The following GOLPH3L variants were observed in gnomAD, a reference collection of about 807,000 sequenced individuals.
GOLPH3L encodes the protein Golgi phosphoprotein 3-like.
GOLPH3L carries 22 observed loss-of-function variants against 30.3 expected under a neutral mutation model. The ratio of observed to expected loss-of-function variants is 0.73; its 90% CI spans 0.52 to 1.04. The LOEUF (loss-of-function observed/expected upper bound fraction) is 1.04, where lower values mean the gene tolerates loss of function less well. Among genes scored for constraint, GOLPH3L ranks in the 50% least tolerant of loss-of-function variants. GOLPH3L has a pLI of 0.00. For synonymous variants in GOLPH3L, 120 were observed against 128.2 expected (o/e 0.94, Z 0.43); for missense variants, 303 against 345.8 (o/e 0.88, Z 0.98).
intron 2 of GOLPH3L, among the ~76,000 whole-genome samples, chr1:150,683,086 T>G (rs1650994702): frequency 6.6e-6 from 1 of 152,170 alleles, no homozygotes; most frequent in Admixed American, 6.5e-5. Flanking sequence ...TTTTCCTTAC[T>G]TTTCTCAGTG....
chr1:150,648,156 G>GTCA lies in GOLPH3L; in HGVS notation c.*162_*164dup. On this transcript the variant is annotated 3_prime_UTR_variant, in exon 5 of 5. Transcript: ENST00000271732. ...GGAGAAATAAGGTCTGCTTATAATG[G>GTCA]TCAAGGTCTATGGAGAAGCCCTGAA... 1 of 581,520 alleles carries GTCA rather than the reference G, an allele frequency of 1.7e-6. No homozygotes were observed. The highest frequency in any genetic ancestry group is 3.0e-6 in the Non-Finnish European group (1 of 328,382). The allele number at this position is 581,520 out of a possible 1,614,324, so 36.0% of individuals were successfully genotyped here.
chr1:150,679,553 C>G (rs966872889), intron 2 of GOLPH3L, among the ~76,000 whole-genome samples: 2 of 152,136 alleles, frequency 1.3e-5, no homozygotes, highest in African/African-American at 4.8e-5. Context: ...AATCCTAGCA[C>G]TTTGGGAGAC....
chr1:150,674,378 G>A (rs1469849378), intron 2 of GOLPH3L, among the ~76,000 whole-genome samples: 2 of 151,120 alleles, frequency 1.3e-5, no homozygotes, highest in South Asian at 2.1e-4. Context: ...CTCCTGCCTC[G>A]GCCTCCCGAG....
chr1:150,686,384 T>C (rs1386414304), intron 2 of GOLPH3L, among the ~76,000 whole-genome samples: 1 of 152,108 alleles, frequency 6.6e-6, no homozygotes, highest in South Asian at 2.1e-4. Context: ...TTTCATTTTT[T>C]TGTAGAGATT....
At chr1:150,689,311 T>C (rs6587518) in intron 2 of GOLPH3L, among the ~76,000 whole-genome samples, 58,842 of 151,992 alleles carry the variant, frequency 0.39, 11,677 homozygotes, top group South Asian at 0.55. Flanking sequence ...GTAATTGGCT[T>C]ACTCCCCTTA....
intron 4 of GOLPH3L, among the ~76,000 whole-genome samples, chr1:150,659,147 T>A (rs587733804): frequency 2.4e-4 from 37 of 152,370 alleles, no homozygotes; most frequent in African/African-American, 8.7e-4. Flanking sequence ...CAGGTGTGGA[T>A]CCTGACTTCT....
intron 4 of GOLPH3L, among the ~76,000 whole-genome samples, chr1:150,650,587 G>A (rs932402466): frequency 2.6e-5 from 4 of 152,172 alleles, no homozygotes; most frequent in Non-Finnish European, 5.9e-5. Flanking sequence ...GTTCCCACAG[G>A]AGTGTGAACC....
intron 2 of GOLPH3L, among the ~76,000 whole-genome samples, chr1:150,669,431 C>T (rs1370713560): frequency 6.6e-6 from 1 of 152,178 alleles, no homozygotes; most frequent in Admixed American, 6.6e-5. Context: ...AGTGAATTCT[C>T]CAGCCATTCA....
intron 1 of GOLPH3L, among the ~76,000 whole-genome samples, chr1:150,696,069 T>C (rs978328181): frequency 7.9e-5 from 12 of 152,190 alleles, no homozygotes; most frequent in African/African-American, 2.9e-4. Context: ...TCAGCAATTA[T>C]ATAAAGGAGT....
chr1:150,649,334 G>C (rs1474113033), intron 4 of GOLPH3L, among the ~76,000 whole-genome samples: 2 of 152,208 alleles, frequency 1.3e-5, no homozygotes, highest in African/African-American at 4.8e-5. Flanking sequence ...GGGCCCTTGT[G>C]CAGAAGTTCT....
chr1:150,648,697 T>G lies in GOLPH3L; in HGVS notation c.482A>C (p.Glu161Ala). ...KLQYQLRNVR[E>A]RIAKNLVEKG... ...CTCTACTAGGTTCTTTGCGATGCGC[T>G]CTCGTACATTTCTCAGCTGGTACTG... The change falls in exon 5 of 5, where the codon GAG becomes GCG. Residue 161 changes from glutamate to alanine, a missense_variant. Glu to Ala is a moderately radical substitution (Grantham distance 107). Transcript: ENST00000271732. 1 of 1,612,902 alleles carries G rather than the reference T, an allele frequency of 6.2e-7. No individual in the cohort carries two copies. Among genetic ancestry groups the G allele is most frequent in the East Asian group, 2.2e-5 (1 of 44,876 alleles).
Position 150,648,105 on chromosome 1 carries a change from T to A in GOLPH3L, c.*216A>T. The A allele has an allele frequency of 2.2e-6, 1 of 460,350 alleles. No homozygotes were observed. The highest frequency in any genetic ancestry group is 3.2e-5 in the East Asian group (1 of 31,386). The allele number at this position is 460,350 out of a possible 1,614,324, so 28.5% of individuals were successfully genotyped here. A position where few individuals can be genotyped will look rare whatever the true frequency, so the allele number is the denominator to read the frequency against. On this transcript the variant is annotated 3_prime_UTR_variant, in exon 5 of 5. Transcript: ENST00000271732. ...TGGGTGTGTGTGGCTTCACCCAGTT[T>A]ATTTACCTATGGAGTGGAAGTGTAG...
chr1:150,695,323 G>A (rs1651324252), intron 1 of GOLPH3L, among the ~76,000 whole-genome samples: 2 of 152,126 alleles, frequency 1.3e-5, no homozygotes, highest in African/African-American at 2.4e-5. Flanking sequence ...TTTTAGTAGA[G>A]ATGGGGTTTC....
intron 2 of GOLPH3L, among the ~76,000 whole-genome samples, chr1:150,693,755 T>A (rs1430020704): frequency 6.8e-6 from 1 of 147,710 alleles, no homozygotes; most frequent in Non-Finnish European, 1.5e-5. Flanking sequence ...AAATTATTTT[T>A]AAAAATTTTC....
intron 4 of GOLPH3L, among the ~76,000 whole-genome samples, chr1:150,661,292 T>A (rs1446512959): frequency 6.6e-6 from 1 of 152,178 alleles, no homozygotes; most frequent in African/African-American, 2.4e-5. Flanking sequence ...TACTCGTTGA[T>A]TTACATATGA....
rs188963416 is a variant in GOLPH3L, at chr1:150,685,750, A to G, written c.183+8906T>C. Among the ~76,000 whole-genome samples the G allele has an allele frequency of 5.9e-3, 901 of 152,166 alleles. 3 individuals are homozygous for G. The highest frequency in any genetic ancestry group is 9.5e-3 in the Non-Finnish European group (644 of 67,974). On this transcript the variant is annotated intron_variant, in intron 2 of 4. Coordinates refer to ENST00000271732, the MANE Select transcript of GOLPH3L (RefSeq NM_018178.6). ...AATAAAAATATAAAAAATAAAATCC[A>G]TAAGAATCTATTCAAGGAGGTGAAA...
chr1:150,677,034 C>T (rs189271927), intron 2 of GOLPH3L, among the ~76,000 whole-genome samples: 184 of 151,828 alleles, frequency 1.2e-3, no homozygotes, highest in Non-Finnish European at 1.9e-3. Context: ...CAGGTGTGAG[C>T]CACCGTGCCA....
intron 3 of GOLPH3L, 146 bp downstream of exon 3, chr1:150,663,486 T>C (rs1428804172): frequency 4.6e-6 from 3 of 658,898 alleles, no homozygotes; most frequent in Non-Finnish European, 7.5e-6. Flanking sequence ...CCTCTTGCAA[T>C]AGGGTAATTA....
chr1:150,668,109 C>G (rs1407530084), intron 2 of GOLPH3L, among the ~76,000 whole-genome samples: 1 of 152,180 alleles, frequency 6.6e-6, no homozygotes, highest in Non-Finnish European at 1.5e-5. Context: ...ATACTTCTCT[C>G]ATAACTTCTA....
Sources: gnomAD v4.1 joint callset for allele counts (sites outside exome capture counted in the v4.1 genomes callset) on GRCh38, gnomAD v4.1.1 for gene constraint, MANE v1.5 for transcripts, NCBI Gene and HGNC (gene_info 2026-07-23, HGNC 2026-07-21) for gene names.